Variants in GPR89A observed in about 807,000 individuals in gnomAD.
The protein encoded by GPR89A is G protein-coupled receptor 89A.
A neutral mutation model predicts 52.0 loss-of-function variants in GPR89A; 16 were observed. That is an observed-to-expected ratio of 0.31 (90% CI 0.21 to 0.47). The LOEUF (loss-of-function observed/expected upper bound fraction) is 0.47. GPR89A is among the 20% of genes least tolerant of loss of function. The pLI is 1.00. For synonymous variants in GPR89A, 55 were observed against 150.9 expected (o/e 0.36, Z 4.66); for missense variants, 135 against 449.4 (o/e 0.30, Z 6.33).
Position 145,650,227 on chromosome 1 carries a change from C to T in GPR89A, c.909+2960C>T, listed in dbSNP as rs587700427. Among the ~76,000 whole-genome samples, 151 of 150,280 alleles carry T rather than the reference C, an allele frequency of 1.0e-3. 1 individual carries two copies. The highest frequency in any genetic ancestry group is 3.6e-3 in the African/African-American group (148 of 40,912). On this transcript the variant is annotated intron_variant, in intron 10 of 13. Coordinates refer to ENST00000313835, the MANE Select transcript of GPR89A (RefSeq NM_001097612.2). ...TTCAGTTCCCACTTATAAGTGAGAACATGTGATATTTGGTTTTCTGTTCCT... is the reference window on the plus strand; with the variant it reads ...TTCAGTTCCCACTTATAAGTGAGAATATGTGATATTTGGTTTTCTGTTCCT...
intron 5 of GPR89A, among the ~76,000 whole-genome samples, chr1:145,625,005 T>C (rs1375014836): frequency 2.0e-5 from 3 of 151,358 alleles, no homozygotes; most frequent in Non-Finnish European, 4.4e-5. Context: ...TGAGCCAGTG[T>C]CTATTATAGA....
chr1:145,645,637 ACT>A (rs1334462412), intron 8 of GPR89A: 26 of 453,880 alleles, frequency 5.7e-5, no homozygotes, highest in Non-Finnish European at 1.1e-4. Context: ...AAGTTATTTA[ACT>A]CTCTGAGCTT....
intron 3 of GPR89A, among the ~76,000 whole-genome samples, chr1:145,620,884 G>A (rs1178786472): frequency 1.3e-5 from 2 of 152,150 alleles, no homozygotes; most frequent in Non-Finnish European, 2.9e-5. Flanking sequence ...CTTTTAATAG[G>A]CAGTCCATAC....
chr1:145,608,774 A>G (rs1648026432), intron 1 of GPR89A: 1 of 161,414 alleles, frequency 6.2e-6, no homozygotes, highest in Non-Finnish European at 1.4e-5. Flanking sequence ...TGTTTTTCTG[A>G]CCCTCATTTC....
chr1:145,645,514 A>G, intron 8 of GPR89A: 1 of 449,458 alleles, frequency 2.2e-6, no homozygotes, highest in East Asian at 7.0e-5. Context: ...GAGAATAATA[A>G]CTCTACCTGA....
Position 145,668,733 on chromosome 1 carries a change from C to T in GPR89A, c.1096-892C>T, listed in dbSNP as rs587684911. 3.3e-5 allele frequency among the ~76,000 whole-genome samples: 5 copies of T among 152,112 alleles called. No individual in the cohort carries two copies. The East Asian group carries it at 5.8e-4, about 18-fold the overall frequency. ...TTGTCATAAATAGCTCTTACGATTT[C>T]GAGATACGTCCCATCAATACCTAAT... On this transcript the variant is annotated intron_variant, in intron 12 of 13. Coordinates refer to ENST00000313835, the MANE Select transcript of GPR89A (RefSeq NM_001097612.2).
At chr1:145,654,484 T>C (rs2128371) in intron 10 of GPR89A, among the ~76,000 whole-genome samples, 1 of 137,266 alleles carries the variant, frequency 7.3e-6, no homozygotes, top group East Asian at 2.1e-4. Context: ...ACCCAGGAGG[T>C]GGAGGTTGCA....
At chr1:145,638,909 G>T (rs1208038452) in intron 7 of GPR89A, among the ~76,000 whole-genome samples, 2 of 147,606 alleles carry the variant, frequency 1.4e-5, no homozygotes, top group African/African-American at 2.6e-5. Flanking sequence ...GATTGTTTGA[G>T]CCCAGGAGTT....
chr1:145,616,354 C>G (rs1648699477), intron 2 of GPR89A, 61 bp downstream of exon 2: 1 of 1,380,980 alleles, frequency 7.2e-7, no homozygotes, highest in South Asian at 1.2e-5. Flanking sequence ...AGAAAAATGT[C>G]TCCATTAAAG....
chr1:145,663,223 T>G (rs1460251352), intron 10 of GPR89A, 106 bp from the exon 11 acceptor site: 1 of 1,587,078 alleles, frequency 6.3e-7, no homozygotes. Context: ...TTAGGAACAT[T>G]GACCTGTAAG....
intron 10 of GPR89A, among the ~76,000 whole-genome samples, chr1:145,657,077 C>A: frequency 6.6e-6 from 1 of 151,552 alleles, no homozygotes; most frequent in Non-Finnish European, 1.5e-5. Flanking sequence ...TTGTTAGATT[C>A]AATTTGCTAA....
chr1:145,647,131 T>G, intron 9 of GPR89A, 44 bp from the exon 10 acceptor site: 1 of 1,539,324 alleles, frequency 6.5e-7, no homozygotes, highest in Non-Finnish European at 8.8e-7. Context: ...GAATATAAAT[T>G]TATATTTTGC....
intron 7 of GPR89A, among the ~76,000 whole-genome samples, chr1:145,634,278 C>T (rs1650072242): frequency 6.6e-6 from 1 of 151,946 alleles, no homozygotes; most frequent in Admixed American, 6.6e-5. Context: ...CGGGGTTTCA[C>T]CATGTTGGAC....
rs1371050408 is a variant in GPR89A at position 145,670,312 on chromosome 1, A to G, written c.*272A>G. On this transcript the variant is annotated 3_prime_UTR_variant, in exon 14 of 14. Transcript: ENST00000313835. ...GCTGGTGTAGAGGCGGAGAGGAGCC[A>G]AGAAACTAAAGGTGAAAAATACACT... 3.4e-6 allele frequency: 3 copies of G among 887,748 alleles called. No individual in the cohort carries two copies. Among genetic ancestry groups the G allele is most frequent in the Non-Finnish European group, 4.9e-6 (3 of 613,486 alleles). 55.0% of individuals were successfully genotyped at this position (887,748 alleles called of 1,614,324 possible). A position where few individuals can be genotyped will look rare whatever the true frequency, so the allele number is the denominator to read the frequency against.
At chr1:145,639,775 TACTG>T (rs1192146930) in intron 7 of GPR89A, among the ~76,000 whole-genome samples, 1 of 139,372 alleles carries the variant, frequency 7.2e-6, no homozygotes, top group Non-Finnish European at 1.6e-5. Context: ...AGAAAAGAAA[TACTG>T]ACACAAATAC....
At chr1:145,657,383 T>C (rs1177918917) in intron 10 of GPR89A, among the ~76,000 whole-genome samples, 3 of 147,410 alleles carry the variant, frequency 2.0e-5, no homozygotes. Context: ...AGAGGGAGAC[T>C]CTGTCTCAAA....
At chr1:145,663,627 C>T (rs1644685774) in intron 11 of GPR89A, among the ~76,000 whole-genome samples, 1 of 152,104 alleles carries the variant, frequency 6.6e-6, no homozygotes, top group South Asian at 2.1e-4. Flanking sequence ...CCAAGATTCT[C>T]TCTCTTAACA....
rs1194836200 is a variant in GPR89A, at chr1:145,669,690, GGTAA to G, written c.1161+3_1161+6del. On this transcript the variant is annotated splice_donor_variant and splice_donor_region_variant and intron_variant, in intron 13 of 13. Coordinates refer to ENST00000313835, the MANE Select transcript of GPR89A (RefSeq NM_001097612.2). LOFTEE classifies it high-confidence loss of function. Reference sequence around the variant, plus strand: ...TTGTCCTGCTATTAGCACAGATAATGGTAAGTTTAATTAGTTACCTTTATGTTTA... The same window carrying G: ...TTGTCCTGCTATTAGCACAGATAATGGTTTAATTAGTTACCTTTATGTTTA... 1 of 1,611,306 alleles carries G rather than the reference GGTAA, an allele frequency of 6.2e-7. No homozygotes were observed. The highest frequency in any genetic ancestry group is 8.5e-7 in the Non-Finnish European group (1 of 1,179,572).
intron 11 of GPR89A, among the ~76,000 whole-genome samples, chr1:145,664,323 A>G (rs1449522814): frequency 9.2e-5 from 14 of 152,152 alleles, no homozygotes; most frequent in African/African-American, 3.4e-4. Flanking sequence ...GGAACATGAT[A>G]TCTTTTCTTC....
Sources: allele counts gnomAD v4.1 joint callset (sites outside exome capture counted in the v4.1 genomes callset), GRCh38; gene constraint gnomAD v4.1.1; transcripts MANE v1.5; gene names NCBI Gene and HGNC (gene_info 2026-07-23, HGNC 2026-07-21).